ROBO2: variants seen among roughly 807,000 people sequenced by gnomAD.
ROBO2 encodes the protein roundabout homolog 2.
Under a neutral mutation model 160.8 loss-of-function variants are expected in ROBO2, and 53 were observed. The ratio of observed to expected loss-of-function variants is 0.33; its 90% CI spans 0.26 to 0.41. ROBO2 has a LOEUF of 0.41. Ranked by LOEUF, ROBO2 falls within the 10% of genes least tolerant of loss-of-function variation. The pLI, the probability that ROBO2 is intolerant of heterozygous loss-of-function variation, is 1.00. For synonymous variants in ROBO2, 664 were observed against 611.7 expected, an observed-to-expected ratio of 1.09 and a Z score of -1.26; for missense variants, 1,577 against 1,722.4, an observed-to-expected ratio of 0.92 and a Z score of 1.49.
intron 2 of ROBO2, among the ~76,000 whole-genome samples, chr3:76,609,260 T>C (rs990994497): frequency 2.0e-5 from 3 of 152,232 alleles, no homozygotes; most frequent in African/African-American, 4.8e-5. Context: ...TTGGTTATTA[T>C]ACCTTTGTAG....
chr3:77,463,808 T>C (rs2153573975), intron 2 of ROBO2, among the ~76,000 whole-genome samples: 1 of 152,252 alleles, frequency 6.6e-6, no homozygotes, highest in South Asian at 2.1e-4. Context: ...CTCGAACTCC[T>C]GAGCTCAAGG....
chr3:76,656,990 A>T (rs2091559435), intron 2 of ROBO2, among the ~76,000 whole-genome samples: 1 of 152,174 alleles, frequency 6.6e-6, no homozygotes, highest in Admixed American at 6.5e-5. Context: ...GATACAATTC[A>T]AATGCTAATC....
chr3:76,468,839 G>T (rs901189709), intron 2 of ROBO2, among the ~76,000 whole-genome samples: 1 of 151,706 alleles, frequency 6.6e-6, no homozygotes. Context: ...CTCACCATTC[G>T]CCCTCTACCT....
intron 2 of ROBO2, among the ~76,000 whole-genome samples, chr3:76,388,979 A>G (rs1044729742): frequency 6.6e-6 from 1 of 152,222 alleles, no homozygotes; most frequent in South Asian, 2.1e-4. Flanking sequence ...TTTAAGAAAG[A>G]AAACAAAATG....
upstream of ROBO2, among the ~76,000 whole-genome samples, chr3:77,037,950 A>C (rs2063735585): frequency 6.6e-6 from 1 of 152,210 alleles, no homozygotes; most frequent in Non-Finnish European, 1.5e-5. Context: ...GCCCGAGATA[A>C]GCTGGTGGTG....
intron 24 of ROBO2, among the ~76,000 whole-genome samples, chr3:77,643,414 A>G (rs1413233246): frequency 6.6e-6 from 1 of 152,214 alleles, no homozygotes; most frequent in East Asian, 1.9e-4. Flanking sequence ...CAAATTAGAT[A>G]AGGTTATACT....
intron 2 of ROBO2, among the ~76,000 whole-genome samples, chr3:76,020,816 G>A (rs2066554181): frequency 6.6e-6 from 1 of 151,788 alleles, no homozygotes; most frequent in South Asian, 2.1e-4. Context: ...TCAAAAGTTT[G>A]TTAAAGTGTG....
At chr3:77,433,133 C>T (rs1015900533) in intron 2 of ROBO2, among the ~76,000 whole-genome samples, 1 of 151,954 alleles carries the variant, frequency 6.6e-6, no homozygotes, top group African/African-American at 2.4e-5. Flanking sequence ...CATCTCAGCC[C>T]CTGATCAGGA....
chr3:76,052,704 A>G (rs2067696560), intron 2 of ROBO2, among the ~76,000 whole-genome samples: 2 of 152,044 alleles, frequency 1.3e-5, no homozygotes, highest in Admixed American at 6.6e-5. Flanking sequence ...TTTCTCAGGA[A>G]TTATTGTTTG....
At chr3:76,969,224 G>A (rs1007068849) in intron 2 of ROBO2, among the ~76,000 whole-genome samples, 4 of 152,076 alleles carry the variant, frequency 2.6e-5, no homozygotes, top group African/African-American at 9.7e-5. Flanking sequence ...CAGTAAATGT[G>A]TTAATATAAA....
intron 2 of ROBO2, among the ~76,000 whole-genome samples, chr3:76,087,675 T>C (rs2069068219): frequency 6.6e-6 from 1 of 152,064 alleles, no homozygotes; most frequent in Non-Finnish European, 1.5e-5. Flanking sequence ...ATAATAGCAA[T>C]AATGAATTAG....
chr3:76,378,509 T>A (rs992659410), intron 2 of ROBO2, among the ~76,000 whole-genome samples: 6 of 152,112 alleles, frequency 3.9e-5, no homozygotes, highest in African/African-American at 1.4e-4. Context: ...CCTCCATCAA[T>A]CCTTTTATTT....
intron 2 of ROBO2, among the ~76,000 whole-genome samples, chr3:76,797,673 C>A (rs2063807979): frequency 6.6e-6 from 1 of 151,092 alleles, no homozygotes. Context: ...AAGCTTTTAG[C>A]TAGACTAAAT....
intron 2 of ROBO2, among the ~76,000 whole-genome samples, chr3:76,188,969 G>C (rs189783154): frequency 5.9e-5 from 9 of 152,198 alleles, no homozygotes; most frequent in Admixed American, 1.3e-4. Flanking sequence ...AGCAAAAAAA[G>C]GTTATTGTAT....
chr3:76,460,979 C>T (rs2078055710), intron 2 of ROBO2, among the ~76,000 whole-genome samples: 1 of 152,070 alleles, frequency 6.6e-6, no homozygotes, highest in Non-Finnish European at 1.5e-5. Context: ...TCGATAAAAT[C>T]TTAATATAAG....
chr3:76,963,706 G>A (rs2079838269), intron 2 of ROBO2, among the ~76,000 whole-genome samples: 1 of 151,796 alleles, frequency 6.6e-6, no homozygotes, highest in African/African-American at 2.4e-5. Context: ...GTTTATCCAA[G>A]TAGCCCACAG....
intron 2 of ROBO2, among the ~76,000 whole-genome samples, chr3:76,057,854 A>G (rs536238576): frequency 6.6e-6 from 1 of 152,302 alleles, no homozygotes; most frequent in Admixed American, 6.5e-5. Flanking sequence ...CTAATCTCAT[A>G]CCATAAACAA....
At chr3:77,611,407 G>A (rs889802374) in intron 21 of ROBO2, among the ~76,000 whole-genome samples, 1 of 152,092 alleles carries the variant, frequency 6.6e-6, no homozygotes, top group African/African-American at 2.4e-5. Flanking sequence ...TTTGAGTACA[G>A]ATGATGGATT....
intron 2 of ROBO2, among the ~76,000 whole-genome samples, chr3:77,216,365 C>T (rs908172431): frequency 1.3e-5 from 2 of 152,178 alleles, no homozygotes; most frequent in East Asian, 3.9e-4. Flanking sequence ...GGGCATAGGA[C>T]CCTCTGAGCC....
Sources: allele counts gnomAD v4.1 joint callset (sites outside exome capture counted in the v4.1 genomes callset), GRCh38; gene constraint gnomAD v4.1.1; transcripts MANE v1.5; gene names NCBI Gene and HGNC (gene_info 2026-07-23, HGNC 2026-07-21).